KCNT2: variants seen among roughly 807,000 people sequenced by gnomAD.
The protein encoded by KCNT2 is potassium sodium-activated channel subfamily T member 2, also known as potassium channel subfamily T member 2.
In KCNT2, 67 loss-of-function variants were observed where a neutral mutation model predicts 153.8. The observed-to-expected ratio is 0.44, with a 90% CI of 0.36 to 0.53. The LOEUF is 0.53. Among genes scored for constraint, KCNT2 ranks in the 20% least tolerant of loss-of-function variants. KCNT2 has a pLI of 0.00. For missense variants in KCNT2, 975 were observed against 1,354.8 expected (o/e 0.72, Z 4.40); for synonymous variants, 500 against 458.8 (o/e 1.09, Z -1.15).
intron 1 of KCNT2, among the ~76,000 whole-genome samples, chr1:196,594,478 G>A (rs1348939640): frequency 1.3e-4 from 19 of 151,774 alleles, no homozygotes; most frequent in Admixed American, 1.2e-3. Context: ...TTTTCTTTTG[G>A]TAATATCTTC....
chr1:196,433,542 C>T (rs891789848), intron 8 of KCNT2, among the ~76,000 whole-genome samples: 1 of 151,948 alleles, frequency 6.6e-6, no homozygotes, highest in Non-Finnish European at 1.5e-5. Context: ...TTTGAATATA[C>T]ATGAGAAAAT....
intron 13 of KCNT2, among the ~76,000 whole-genome samples, chr1:196,376,389 A>G (rs1668969691): frequency 6.6e-6 from 1 of 151,986 alleles, no homozygotes; most frequent in South Asian, 2.1e-4. Flanking sequence ...ATGTTTGAAT[A>G]TTTATACTAA....
chr1:196,501,023 A>G (rs1407283647), intron 1 of KCNT2, among the ~76,000 whole-genome samples: 1 of 152,210 alleles, frequency 6.6e-6, no homozygotes, highest in Non-Finnish European at 1.5e-5. Flanking sequence ...TACCAGTAAG[A>G]ATGGCTACTA....
intron 12 of KCNT2, 151 bp from the exon 13 acceptor site, chr1:196,398,822 TTCCATAGAAG>T (rs1265152154): frequency 2.0e-6 from 1 of 488,920 alleles, no homozygotes; most frequent in East Asian, 3.2e-5. Flanking sequence ...TACCTATTAT[TTCCATAGAAG>T]AAGGTAGTAA....
intron 14 of KCNT2, among the ~76,000 whole-genome samples, chr1:196,353,480 A>C (rs1666922828): frequency 6.6e-6 from 1 of 151,956 alleles, no homozygotes; most frequent in Non-Finnish European, 1.5e-5. Context: ...TCCTCTCAGC[A>C]TAGTAACTAT....
intron 12 of KCNT2, among the ~76,000 whole-genome samples, chr1:196,419,959 T>A (rs1673066530): frequency 6.6e-6 from 1 of 152,070 alleles, no homozygotes; most frequent in South Asian, 2.1e-4. Context: ...TATTATGTCT[T>A]TCATAATATT....
intron 1 of KCNT2, among the ~76,000 whole-genome samples, chr1:196,534,942 T>A (rs1233773546): frequency 6.6e-6 from 1 of 152,206 alleles, no homozygotes; most frequent in African/African-American, 2.4e-5. Flanking sequence ...CTGGACTGCA[T>A]AATAACTACC....
At chr1:196,416,784 T>A (rs894865199) in intron 12 of KCNT2, among the ~76,000 whole-genome samples, 27 of 152,134 alleles carry the variant, frequency 1.8e-4, no homozygotes, top group Admixed American at 1.6e-3. Flanking sequence ...ATAATCCAAT[T>A]ATACTCTTAG....
chr1:196,525,112 CA>C (rs1653996674), intron 1 of KCNT2, among the ~76,000 whole-genome samples: 2 of 151,408 alleles, frequency 1.3e-5, no homozygotes, highest in African/African-American at 2.4e-5. Context: ...GCTAATATCA[CA>C]AAAAAAGTAG....
intron 4 of KCNT2, 25 bp downstream of exon 4, chr1:196,482,306 G>A (rs774543414): frequency 6.7e-7 from 1 of 1,499,576 alleles, no homozygotes; most frequent in Non-Finnish European, 9.1e-7. Flanking sequence ...CAGAGATATA[G>A]GGATAAAACA....
intron 13 of KCNT2, among the ~76,000 whole-genome samples, chr1:196,388,156 A>G (rs1670158456): frequency 6.6e-6 from 1 of 151,704 alleles, no homozygotes; most frequent in Non-Finnish European, 1.5e-5. Flanking sequence ...TTGATCCTGA[A>G]CTATCTGTTG....
intron 13 of KCNT2, among the ~76,000 whole-genome samples, chr1:196,374,018 G>A (rs147376394): frequency 1.2e-4 from 18 of 151,918 alleles, no homozygotes; most frequent in Non-Finnish European, 1.8e-4. Flanking sequence ...TGTTATGCAG[G>A]AATGAGGGCT....
At chr1:196,312,194 T>G (rs1340488115) in intron 21 of KCNT2, among the ~76,000 whole-genome samples, 1 of 151,670 alleles carries the variant, frequency 6.6e-6, no homozygotes, top group East Asian at 2.0e-4. Flanking sequence ...GAGGAAGATC[T>G]TATCTCCTTA....
chr1:196,565,082 A>G (rs1236420311), intron 1 of KCNT2, among the ~76,000 whole-genome samples: 1 of 151,728 alleles, frequency 6.6e-6, no homozygotes, highest in Non-Finnish European at 1.5e-5. Flanking sequence ...TAAAGGATTA[A>G]CATACAAAAT....
intron 22 of KCNT2, among the ~76,000 whole-genome samples, chr1:196,296,717 G>A (rs1173121232): frequency 6.6e-6 from 1 of 152,016 alleles, no homozygotes. Flanking sequence ...CAGGTACTCT[G>A]TTGGCTTTAA....
chr1:196,428,272 G>A lies in KCNT2; in HGVS notation c.820-3C>T. 1.2e-6 allele frequency: 2 copies of A among 1,607,250 alleles called. No homozygotes were observed. The highest frequency in any genetic ancestry group is 2.2e-5 in the East Asian group (1 of 44,696). On this transcript the variant is annotated splice_region_variant and splice_polypyrimidine_tract_variant and intron_variant, in intron 9 of 27. Coordinates refer to ENST00000294725, the MANE Select transcript of KCNT2 (RefSeq NM_198503.5). ...CACAAATAAGCCAGCTGTTCAAACTGTAATATATTTTCCACATGTGAATGA... is the reference window on the plus strand; with the variant it reads ...CACAAATAAGCCAGCTGTTCAAACTATAATATATTTTCCACATGTGAATGA...
chr1:196,478,726 A>G (rs1678753254), intron 5 of KCNT2, among the ~76,000 whole-genome samples: 1 of 152,192 alleles, frequency 6.6e-6, no homozygotes, highest in African/African-American at 2.4e-5. Context: ...CATTGAAAAA[A>G]GAATCATGTG....
In KCNT2 at chr1:196,358,715, G is replaced by C. The variant is rs185386655; in HGVS notation, c.1403+14425C>G. ...TAAACAAATCTATGTTTACTAATGA[G>C]TGTAAGTAACACCCAACCTTAGCTA... On this transcript the variant is annotated intron_variant, in intron 14 of 27. Transcript: ENST00000294725. Among the ~76,000 whole-genome samples the C allele has an allele frequency of 5.7e-4, 87 of 151,760 alleles. 1 individual carries two copies. The highest frequency in any genetic ancestry group is 2.0e-3 in the African/African-American group (82 of 41,432).
At chr1:196,241,223 C>T (rs966367076) in intron 26 of KCNT2, among the ~76,000 whole-genome samples, 1 of 151,176 alleles carries the variant, frequency 6.6e-6, no homozygotes, top group Non-Finnish European at 1.5e-5. Context: ...TTTGTTAGTA[C>T]AAGAAATACC....
Sources: gnomAD v4.1 joint callset for allele counts (sites outside exome capture counted in the v4.1 genomes callset) on GRCh38, gnomAD v4.1.1 for gene constraint, MANE v1.5 for transcripts, NCBI Gene and HGNC (gene_info 2026-07-23, HGNC 2026-07-21) for gene names.